The following MGAT4C variants were observed in gnomAD, a reference collection of about 807,000 sequenced individuals.
MGAT4C encodes MGAT4 family member C.
MGAT4C carries 19 observed loss-of-function variants against 40.1 expected under a neutral mutation model. The ratio of observed to expected loss-of-function variants is 0.47; its 90% confidence interval spans 0.33 to 0.70. MGAT4C has a LOEUF of 0.70. MGAT4C is among the 30% of genes least tolerant of loss of function. MGAT4C has a pLI of 0.02. For missense variants in MGAT4C, 491 were observed against 563.2 expected, an observed-to-expected ratio of 0.87 and a Z score of 1.30; for synonymous variants, 181 against 187.1, an observed-to-expected ratio of 0.97 and a Z score of 0.27.
chr12:86,744,165 T>G (rs771982020), intron 1 of MGAT4C, among the ~76,000 whole-genome samples: 1 of 151,548 alleles, frequency 6.6e-6, no homozygotes, highest in Non-Finnish European at 1.5e-5. Flanking sequence ...CTGTAAAATT[T>G]GGTAGAGAAA....
At chr12:86,489,368 G>A (rs1958084594) in intron 2 of MGAT4C, among the ~76,000 whole-genome samples, 1 of 152,070 alleles carries the variant, frequency 6.6e-6, no homozygotes, top group South Asian at 2.1e-4. Context: ...CTCTGGACAT[G>A]CGACCTCTGA....
At chr12:86,465,126 GAAAAATATTTTTATTCAATAAATGATGCT>G (rs544604731) in intron 2 of MGAT4C, among the ~76,000 whole-genome samples, 481 of 151,952 alleles carry the variant, frequency 3.2e-3, no homozygotes, top group Non-Finnish European at 5.2e-3. Flanking sequence ...TCTCTCCACT[GAAAAATATTTTTATTCAATAAATGATGCT>G]AAAACAAATG....
intron 3 of MGAT4C, among the ~76,000 whole-genome samples, chr12:86,366,036 C>A (rs574254702): frequency 1.3e-5 from 2 of 152,086 alleles, no homozygotes; most frequent in South Asian, 4.1e-4. Context: ...AATGTTTTTC[C>A]ATTTATTTTT....
chr12:86,674,241 A>G (rs915751999), intron 2 of MGAT4C, among the ~76,000 whole-genome samples: 1 of 152,150 alleles, frequency 6.6e-6, no homozygotes, highest in African/African-American at 2.4e-5. Context: ...TCTAGATTAT[A>G]TTTTCTAATA....
intron 1 of MGAT4C, among the ~76,000 whole-genome samples, chr12:86,800,065 C>T (rs1474601302): frequency 1.3e-5 from 2 of 151,922 alleles, no homozygotes; most frequent in African/African-American, 4.8e-5. Context: ...ACTTTTCCAT[C>T]CTTCCTACTA....
chr12:86,357,399 A>C (rs1397533232), intron 3 of MGAT4C, among the ~76,000 whole-genome samples: 1 of 152,192 alleles, frequency 6.6e-6, no homozygotes, highest in Non-Finnish European at 1.5e-5. Flanking sequence ...GGAAAATTCT[A>C]AAAATCAGAG....
chr12:86,814,381 TATAC>T (rs1952557382), intron 1 of MGAT4C, among the ~76,000 whole-genome samples: 1 of 62,200 alleles, frequency 1.6e-5, no homozygotes, highest in Admixed American at 1.6e-4. Flanking sequence ...TATATATACA[TATAC>T]GTATATATAT....
At chr12:86,018,161 G>C (rs749627335) in intron 2 of MGAT4C, among the ~76,000 whole-genome samples, 4 of 152,074 alleles carry the variant, frequency 2.6e-5, no homozygotes, top group Non-Finnish European at 5.9e-5. Flanking sequence ...CACTTCCTCA[G>C]TGCAAATTAT....
intron 4 of MGAT4C, among the ~76,000 whole-genome samples, chr12:86,283,318 G>C (rs935317649): frequency 6.6e-6 from 1 of 151,888 alleles, no homozygotes; most frequent in Non-Finnish European, 1.5e-5. Context: ...TATTTTGTCT[G>C]TTCTTATAGT....
chr12:86,305,443 G>A (rs200335228), intron 4 of MGAT4C, among the ~76,000 whole-genome samples: 200 of 133,006 alleles, frequency 1.5e-3, no homozygotes, highest in African/African-American at 2.5e-3. Flanking sequence ...CCGTCTCAAA[G>A]AAAAAAAAAA....
chr12:86,691,737 T>C (rs1950176585), intron 2 of MGAT4C, among the ~76,000 whole-genome samples: 1 of 152,112 alleles, frequency 6.6e-6, no homozygotes. Context: ...ATATAAGACA[T>C]ACAACGTATC....
At chr12:86,458,389 A>C (rs1957544016) in intron 2 of MGAT4C, among the ~76,000 whole-genome samples, 1 of 152,114 alleles carries the variant, frequency 6.6e-6, no homozygotes, top group Admixed American at 6.6e-5. Context: ...TCAGATTCCT[A>C]CCTGGTTTCT....
chr12:86,555,990 G>A (rs1017187931), intron 2 of MGAT4C, among the ~76,000 whole-genome samples: 5 of 152,096 alleles, frequency 3.3e-5, no homozygotes, highest in East Asian at 1.9e-4. Context: ...ATATTTCAGC[G>A]GAGATATACA....
intron 2 of MGAT4C, among the ~76,000 whole-genome samples, chr12:86,487,890 C>G (rs972063945): frequency 6.6e-6 from 1 of 152,114 alleles, no homozygotes; most frequent in Admixed American, 6.6e-5. Flanking sequence ...ACTTTCTTAA[C>G]ATCATAAGTT....
intron 1 of MGAT4C, among the ~76,000 whole-genome samples, chr12:86,143,851 G>A (rs915916508): frequency 6.6e-6 from 1 of 152,158 alleles, no homozygotes; most frequent in African/African-American, 2.4e-5. Context: ...AGCACATGAA[G>A]GCAATAGAAA....
intron 2 of MGAT4C, among the ~76,000 whole-genome samples, chr12:86,705,569 T>G (rs993848421): frequency 2.0e-5 from 3 of 152,096 alleles, no homozygotes; most frequent in Non-Finnish European, 4.4e-5. Context: ...AATGTAAAAT[T>G]TTTATAATTA....
intron 1 of MGAT4C, among the ~76,000 whole-genome samples, chr12:86,051,980 T>A (rs144475731): frequency 3.6e-3 from 550 of 151,880 alleles, no homozygotes; most frequent in African/African-American, 0.013. Flanking sequence ...TGGAGATATG[T>A]TTCATGTAGA....
chr12:86,566,582 GTA>G (rs1171291843), intron 2 of MGAT4C, among the ~76,000 whole-genome samples: 7 of 103,858 alleles, frequency 6.7e-5, no homozygotes, highest in African/African-American at 1.7e-4. Flanking sequence ...ATATGTATAT[GTA>G]TATATATGTA....
chr12:86,129,696 A>T (rs1407500149), intron 1 of MGAT4C, among the ~76,000 whole-genome samples: 1 of 52,592 alleles, frequency 1.9e-5, no homozygotes, highest in Non-Finnish European at 3.0e-5. Flanking sequence ...AGTAGCTGGG[A>T]CTACACGCGC....
Sources: gnomAD v4.1 joint callset for allele counts (sites outside exome capture counted in the v4.1 genomes callset) on GRCh38, gnomAD v4.1.1 for gene constraint, MANE v1.5 for transcripts, NCBI Gene and HGNC (gene_info 2026-07-23, HGNC 2026-07-21) for gene names.